Variants in PDE3A observed in about 807,000 individuals in gnomAD.
The protein encoded by PDE3A is phosphodiesterase 3A.
Under a neutral mutation model 98.3 loss-of-function variants are expected in PDE3A, and 43 were observed. That is an observed-to-expected ratio of 0.44 (90% CI 0.34 to 0.56). The LOEUF is 0.56. Among genes scored for constraint, PDE3A ranks in the 20% least tolerant of loss-of-function variants. The pLI is 0.01. For missense variants in PDE3A, 1,427 were observed against 1,440.7 expected (o/e 0.99, Z 0.15); for synonymous variants, 663 against 567.9 (o/e 1.17, Z -2.38).
At chr12:20,518,182 C>G (rs2121140155) in intron 1 of PDE3A, among the ~76,000 whole-genome samples, 2 of 152,298 alleles carry the variant, frequency 1.3e-5, no homozygotes, top group Admixed American at 1.3e-4. Flanking sequence ...TCAGAAAGGA[C>G]TGGTTATTCA....
chr12:20,552,905 G>T lies in PDE3A; in HGVS notation c.961-3755G>T. The T allele has an allele frequency of 6.2e-7, 1 of 1,600,658 alleles. No homozygotes were observed. The highest frequency in any genetic ancestry group is 8.5e-7 in the Non-Finnish European group (1 of 1,174,062). On this transcript the variant is annotated intron_variant, in intron 1 of 15. Coordinates refer to ENST00000359062, the MANE Select transcript of PDE3A (RefSeq NM_000921.5). This position sits in a 1 kb window ranked among gnomAD's most constrained non-coding sequence, Gnocchi z 5.1. ...TCCTTTCGGGCACAGGTGTTCAGCT[G>T]CCCTGCCTGCCGCTACGACCTGGGC...
chr12:20,583,393 C>G (rs1221360547), intron 2 of PDE3A, among the ~76,000 whole-genome samples: 1 of 152,128 alleles, frequency 6.6e-6, no homozygotes, highest in Non-Finnish European at 1.5e-5. Context: ...ATACTGACCT[C>G]AAGTAGTTGT....
chr12:20,429,785 TTCA>T (rs1354211494), intron 1 of PDE3A, among the ~76,000 whole-genome samples: 1 of 152,182 alleles, frequency 6.6e-6, no homozygotes, highest in East Asian at 1.9e-4. Flanking sequence ...ATTTTTTACC[TTCA>T]TCATTTCAGT....
intron 2 of PDE3A, among the ~76,000 whole-genome samples, chr12:20,574,812 T>A (rs1942890072): frequency 6.6e-6 from 1 of 152,052 alleles, no homozygotes; most frequent in African/African-American, 2.4e-5. Flanking sequence ...CATCTTCTAA[T>A]CTTTTTCTCC....
Position 20,595,106 on chromosome 12 carries a change from A to C in PDE3A, c.1012-18337A>C, listed in dbSNP as rs563586689. ...ATTATTTCTCATGAATAGAAGGCCA[A>C]AGGAGGGAAGCCTTCAGGATTAGTG... On this transcript the variant is annotated intron_variant, in intron 2 of 15. Coordinates refer to ENST00000359062, the MANE Select transcript of PDE3A (RefSeq NM_000921.5). Among the ~76,000 whole-genome samples, 6 of 152,250 alleles carry C rather than the reference A, an allele frequency of 3.9e-5. No homozygotes were observed. The East Asian group carries it at 1.2e-3, about 29-fold the overall frequency.
intron 1 of PDE3A, among the ~76,000 whole-genome samples, chr12:20,529,453 A>G (rs1946584687): frequency 6.6e-6 from 1 of 152,128 alleles, no homozygotes; most frequent in Admixed American, 6.5e-5. Context: ...ATGTTACCTT[A>G]TTTGGAAATA....
At chr12:20,520,006 G>T (rs1020269579) in intron 1 of PDE3A, among the ~76,000 whole-genome samples, 3 of 152,168 alleles carry the variant, frequency 2.0e-5, no homozygotes, top group African/African-American at 4.8e-5. Context: ...CGGATTTAAA[G>T]AAGTTTGCCT....
chr12:20,462,661 T>G lies in PDE3A; in HGVS notation c.960+92417T>G, dbSNP rs140427904. Reference sequence around the variant, plus strand: ...TGATTTTTTGGATTTTAAAAAATGTTATTTTCAATGTCTGAAGTTTTTTTA... The same window carrying G: ...TGATTTTTTGGATTTTAAAAAATGTGATTTTCAATGTCTGAAGTTTTTTTA... On this transcript the variant is annotated intron_variant, in intron 1 of 15. Transcript: ENST00000359062. Among the ~76,000 whole-genome samples the G allele has an allele frequency of 1.6e-4, 24 of 152,346 alleles. No individual in the cohort carries two copies. The East Asian group carries it at 4.4e-3, about 28-fold the overall frequency.
chr12:20,403,427 T>C (rs1408023720), intron 1 of PDE3A, among the ~76,000 whole-genome samples: 1 of 152,176 alleles, frequency 6.6e-6, no homozygotes, highest in Non-Finnish European at 1.5e-5. Flanking sequence ...TTAATAGTCT[T>C]ATTTATTCAC....
In PDE3A at chr12:20,556,655, T is replaced by C; in HGVS notation, c.961-5T>C. 1 of 1,572,290 alleles carries C rather than the reference T, an allele frequency of 6.4e-7. No homozygotes were observed. Among genetic ancestry groups the C allele is most frequent in the South Asian group, 1.1e-5 (1 of 89,708 alleles). On this transcript the variant is annotated splice_region_variant and splice_polypyrimidine_tract_variant and intron_variant, in intron 1 of 15. Coordinates refer to ENST00000359062, the MANE Select transcript of PDE3A (RefSeq NM_000921.5). ...TTTAACTTATTATAATTTTCATCTT[T>C]CCAGCTCATGGGGCATTCAGAATGG...
intron 1 of PDE3A, among the ~76,000 whole-genome samples, chr12:20,421,071 T>C (rs957541309): frequency 6.6e-6 from 1 of 152,168 alleles, no homozygotes; most frequent in African/African-American, 2.4e-5. Flanking sequence ...TAGAGAACAC[T>C]GAAATGGTAA....
intron 1 of PDE3A, among the ~76,000 whole-genome samples, chr12:20,381,904 C>T (rs1437465112): frequency 6.6e-6 from 1 of 151,726 alleles, no homozygotes; most frequent in Non-Finnish European, 1.5e-5. Flanking sequence ...TCTTATATAA[C>T]TATAATGCCA....
At chr12:20,453,972 A>G (rs1945112019) in intron 1 of PDE3A, among the ~76,000 whole-genome samples, 1 of 152,160 alleles carries the variant, frequency 6.6e-6, no homozygotes, top group South Asian at 2.1e-4. Context: ...AGACCATGCC[A>G]TTTCTCTGCA....
chr12:20,603,254 C>T (rs1018953997), intron 2 of PDE3A, among the ~76,000 whole-genome samples: 3 of 152,056 alleles, frequency 2.0e-5, no homozygotes, highest in African/African-American at 7.2e-5. Flanking sequence ...ATATTCCTCC[C>T]ATGCTGTGTT....
At chr12:20,528,548 A>C (rs1199817948) in intron 1 of PDE3A, among the ~76,000 whole-genome samples, 3 of 152,196 alleles carry the variant, frequency 2.0e-5, no homozygotes, top group Non-Finnish European at 4.4e-5. Context: ...TTATGTTTAT[A>C]ATGTTCAAAA....
At chr12:20,461,646 T>C (rs1194685431) in intron 1 of PDE3A, among the ~76,000 whole-genome samples, 1 of 152,172 alleles carries the variant, frequency 6.6e-6, no homozygotes, top group East Asian at 1.9e-4. Flanking sequence ...TAATGTATAT[T>C]AAGCTTTGGG....
intron 1 of PDE3A, among the ~76,000 whole-genome samples, chr12:20,491,816 G>C (rs1241064343): frequency 6.6e-6 from 1 of 152,106 alleles, no homozygotes; most frequent in Admixed American, 6.5e-5. Flanking sequence ...CGGTATAATC[G>C]AATCTCTTTA....
chr12:20,448,698 A>T (rs192174389), intron 1 of PDE3A, among the ~76,000 whole-genome samples: 1 of 150,644 alleles, frequency 6.6e-6, no homozygotes, highest in African/African-American at 2.4e-5. Context: ...TCACTAAAAA[A>T]TTTTATTTGT....
Position 20,369,967 on chromosome 12 carries a change from C to G in PDE3A, c.683C>G (p.Ser228Cys). The change falls in exon 1 of 16, where the codon TCC becomes TGC. Residue 228 changes from serine (S) to cysteine (C), a missense_variant. Transcript: ENST00000359062. ...TSAVRTVSLI[S>C]LERFKVAWRP... ...GCGGTCAGGACCGTGTCCCTCATTT[C>G]CTTAGAGAGGTTCAAGGTCGCCTGG... is the stretch of plus-strand genomic sequence containing the variant. 2 of 1,613,458 alleles carry G rather than the reference C, an allele frequency of 1.2e-6. No homozygotes were observed. Among genetic ancestry groups the G allele is most frequent in the Non-Finnish European group, 8.5e-7 (1 of 1,180,006 alleles).
Sources: gnomAD v4.1 joint callset for allele counts (sites outside exome capture counted in the v4.1 genomes callset) on GRCh38, gnomAD v4.1.1 for gene constraint, Gnocchi (gnomAD v3.1) non-coding constraint, MANE v1.5 for transcripts, NCBI Gene and HGNC (gene_info 2026-07-23, HGNC 2026-07-21) for gene names.